Variants in ADAM23 observed in about 807,000 individuals in gnomAD.
ADAM23 encodes ADAM metallopeptidase domain 23, also known as disintegrin and metalloproteinase domain-containing protein 23.
Under a neutral mutation model 120.1 loss-of-function variants are expected in ADAM23, and 33 were observed. That is an observed-to-expected ratio of 0.27 (90% confidence interval 0.21 to 0.37). The LOEUF (loss-of-function observed/expected upper bound fraction) is 0.37, where lower values mean the gene tolerates loss of function less well. ADAM23 is among the 10% of genes least tolerant of loss of function. The probability of loss-of-function intolerance (pLI) is 1.00; values close to 1 mark genes in which losing one functional copy is unlikely to be tolerated. For synonymous variants in ADAM23, 367 were observed against 375.2 expected, an observed-to-expected ratio of 0.98 and a Z score of 0.25; for missense variants, 862 against 1,058.2, an observed-to-expected ratio of 0.81 and a Z score of 2.57.
chr2:206,479,298 T>C (rs1225199428), intron 2 of ADAM23, among the ~76,000 whole-genome samples: 1 of 152,202 alleles, frequency 6.6e-6, no homozygotes, highest in Non-Finnish European at 1.5e-5. Flanking sequence ...GTCACATCAC[T>C]TATTTGCTAT....
At chr2:206,599,850 C>T (rs1361081909) in intron 24 of ADAM23, among the ~76,000 whole-genome samples, 1 of 152,164 alleles carries the variant, frequency 6.6e-6, no homozygotes, top group Non-Finnish European at 1.5e-5. Flanking sequence ...TTAAAACAAT[C>T]AGTGTTTTAC....
At position 206,618,330 on chromosome 2, in the gene ADAM23, T is replaced by G. The variant is rs937761067; in HGVS notation, c.*703T>G. The stretch of plus-strand genomic sequence containing the variant: ...GGCAGAACTCCACGGACCTTGCTCT[T>G]GTTGATTCACTTTCCCCATTGTGTT... On this transcript the variant is annotated 3_prime_UTR_variant, in exon 26 of 26. Transcript: ENST00000264377. 1 of 152,242 alleles carries G rather than the reference T, an allele frequency of 6.6e-6. No individual in the cohort carries two copies. Among genetic ancestry groups the G allele is most frequent in the Non-Finnish European group, 1.5e-5 (1 of 68,086 alleles). 9.4% of individuals were successfully genotyped at this position (152,242 alleles called of 1,614,324 possible). A position where few individuals can be genotyped will look rare whatever the true frequency, so the allele number is the denominator to read the frequency against.
intron 25 of ADAM23, among the ~76,000 whole-genome samples, chr2:206,615,415 A>T (rs1242913897): frequency 6.6e-6 from 1 of 152,254 alleles, no homozygotes; most frequent in Admixed American, 6.5e-5. Context: ...TTGTACTTTC[A>T]CATTAAAATT....
At chr2:206,546,045 A>G (rs1697390150) in intron 6 of ADAM23, among the ~76,000 whole-genome samples, 1 of 152,254 alleles carries the variant, frequency 6.6e-6, no homozygotes, top group African/African-American at 2.4e-5. Flanking sequence ...GGATTTATAA[A>G]TATAAACTAT....
At chr2:206,530,709 A>G (rs747563325) in intron 3 of ADAM23, among the ~76,000 whole-genome samples, 176 bp from the exon 4 acceptor site, 2 of 129,494 alleles carry the variant, frequency 1.5e-5, no homozygotes, top group Admixed American at 1.7e-4. Context: ...TTGGGGAGTA[A>G]TTTATTCCTG....
At chr2:206,617,427 A>C (rs1698955326) in intron 25 of ADAM23, 152 bp from the exon 26 acceptor site, 1 of 744,664 alleles carries the variant, frequency 1.3e-6, no homozygotes. Context: ...TTTCAATTTC[A>C]AGTTATTTTG....
chr2:206,588,328 A>G (rs777825302), intron 20 of ADAM23, among the ~76,000 whole-genome samples, 174 bp downstream of exon 20: 23 of 152,338 alleles, frequency 1.5e-4, no homozygotes, highest in Middle Eastern at 3.4e-3. Context: ...ATAGAAAACA[A>G]CTGCTTAAGT....
intron 25 of ADAM23, among the ~76,000 whole-genome samples, chr2:206,611,174 C>T (rs1416422917): frequency 1.3e-5 from 2 of 152,042 alleles, no homozygotes; most frequent in East Asian, 3.9e-4. Flanking sequence ...TTGAGTAAGT[C>T]TACAGTTTTG....
intron 3 of ADAM23, among the ~76,000 whole-genome samples, chr2:206,496,983 C>T (rs910748560): frequency 1.3e-5 from 2 of 152,172 alleles, no homozygotes; most frequent in African/African-American, 2.4e-5. Flanking sequence ...AGACCAATAA[C>T]GGGCTCTGAA....
At chr2:206,461,063 CTTT>C (rs565925215) in intron 2 of ADAM23, among the ~76,000 whole-genome samples, 1 of 137,070 alleles carries the variant, frequency 7.3e-6, no homozygotes. Context: ...TTTTCTTCTT[CTTT>C]TTTTTTTTTT....
At chr2:206,551,719 CTT>C (rs1460059494) in intron 9 of ADAM23, among the ~76,000 whole-genome samples, 1 of 152,104 alleles carries the variant, frequency 6.6e-6, no homozygotes, top group East Asian at 1.9e-4. Context: ...AAAATAGTGA[CTT>C]AATTTATATT....
chr2:206,523,364 T>C (rs1696882614), intron 3 of ADAM23, among the ~76,000 whole-genome samples: 1 of 152,214 alleles, frequency 6.6e-6, no homozygotes, highest in Non-Finnish European at 1.5e-5. Context: ...CCTGCAGTTC[T>C]GTTCCTATGA....
intron 24 of ADAM23, among the ~76,000 whole-genome samples, chr2:206,603,105 C>G (rs1698668966): frequency 6.6e-6 from 1 of 151,128 alleles, no homozygotes; most frequent in Non-Finnish European, 1.5e-5. Flanking sequence ...CAGCATAGTT[C>G]CTTGAACAAA....
In ADAM23 at chr2:206,542,122, G is replaced by C; in HGVS notation, c.644G>C (p.Cys215Ser). 6.2e-7 allele frequency: 1 copy of C among 1,614,070 alleles called. No individual in the cohort carries two copies. Among genetic ancestry groups the C allele is most frequent in the Non-Finnish European group, 8.5e-7 (1 of 1,179,942 alleles). ...VKDSKVALSTCNGLHGMFEDD... is the reference protein window; with the variant it reads ...VKDSKVALSTSNGLHGMFEDD... The stretch of plus-strand genomic sequence containing the variant: ...GACTCCAAGGTGGCTCTGTCAACCT[G>C]CAATGGACTTCAGTAAGTGGGAATC... The change falls in exon 5 of 26, where the codon TGC becomes TCC. Residue 215 changes from cysteine (C) to serine (S), a missense_variant. Around this residue, in one of 4 missense-constraint regions of ADAM23, gnomAD observed 617 missense variants for 813.5 expected, o/e 0.76. Coordinates refer to ENST00000264377, the MANE Select transcript of ADAM23 (RefSeq NM_003812.4).
At chr2:206,461,584 T>G (rs897673425) in intron 2 of ADAM23, among the ~76,000 whole-genome samples, 7 of 152,066 alleles carry the variant, frequency 4.6e-5, no homozygotes, top group African/African-American at 1.2e-4. Flanking sequence ...CTTGGGGAAG[T>G]TGTTGAAAAG....
chr2:206,548,199 A>T, intron 7 of ADAM23, 82 bp from the exon 8 acceptor site: 1 of 1,288,196 alleles, frequency 7.8e-7, no homozygotes, highest in Middle Eastern at 1.9e-4. Context: ...TATCAGTGCC[A>T]CTGTTTCTTC....
Position 206,573,175 on chromosome 2 carries a change from T to C in ADAM23, c.1717T>C (p.Cys573Arg), listed in dbSNP as rs1226843622. Reference sequence around the variant, plus strand: ...GAACGAGTGTGATATTACTGAATATTGTACTGGAGACTCTGGTCAGGTATG... The same window carrying C: ...GAACGAGTGTGATATTACTGAATATCGTACTGGAGACTCTGGTCAGGTATG... Reference protein sequence around the residue: ...AVNECDITEYCTGDSGQCPPN... With the variant: ...AVNECDITEYRTGDSGQCPPN... The change falls in exon 18 of 26, where the codon TGT (cysteine) becomes CGT (arginine). Residue 573 changes from cysteine to arginine, a missense_variant. Physicochemically the swap from Cys to Arg is radical, Grantham distance 180 (BLOSUM62 -3). Transcript: ENST00000264377. 1 of 1,613,978 alleles carries C rather than the reference T, an allele frequency of 6.2e-7. No individual in the cohort carries two copies. The highest frequency in any genetic ancestry group is 8.5e-7 in the Non-Finnish European group (1 of 1,179,854).
intron 25 of ADAM23, among the ~76,000 whole-genome samples, chr2:206,615,062 T>C (rs1698909643): frequency 6.6e-6 from 1 of 152,180 alleles, no homozygotes; most frequent in Admixed American, 6.5e-5. Flanking sequence ...CATAGAATGA[T>C]AAGAATGTGC....
chr2:206,542,219 G>C, intron 5 of ADAM23, 85 bp downstream of exon 5: 1 of 1,345,312 alleles, frequency 7.4e-7, no homozygotes, highest in Non-Finnish European at 1.1e-6. Flanking sequence ...TGACTCTTCC[G>C]TGCCAGTGCT....
Sources: gnomAD v4.1 joint callset for allele counts (sites outside exome capture counted in the v4.1 genomes callset) on GRCh38, gnomAD v4.1.1 for gene constraint, gnomAD v4.1.1 regional missense constraint, MANE v1.5 for transcripts, NCBI Gene and HGNC (gene_info 2026-07-23, HGNC 2026-07-21) for gene names.